KCNIP1: variants seen among roughly 807,000 people sequenced by gnomAD.
KCNIP1 encodes A-type potassium channel modulatory protein KCNIP1.
Under a neutral mutation model 33.0 loss-of-function variants are expected in KCNIP1, and 18 were observed. The observed-to-expected ratio is 0.55, with a 90% CI of 0.38 to 0.81. KCNIP1 has a LOEUF of 0.81. KCNIP1 is among the 30% of genes least tolerant of loss of function. The pLI, the probability that KCNIP1 is intolerant of heterozygous loss-of-function variation, is 0.00. For synonymous variants in KCNIP1, 93 were observed against 98.3 expected, an observed-to-expected ratio of 0.95 and a Z score of 0.32; for missense variants, 238 against 271.6, an observed-to-expected ratio of 0.88 and a Z score of 0.87.
intron 1 of KCNIP1, among the ~76,000 whole-genome samples, chr5:170,398,878 T>C (rs920932719): frequency 1.3e-5 from 2 of 152,184 alleles, no homozygotes; most frequent in Non-Finnish European, 2.9e-5. Flanking sequence ...AGAGGTCATC[T>C]AGGCTTGTTG....
At chr5:170,509,064 C>G (rs1754829739) in intron 1 of KCNIP1, among the ~76,000 whole-genome samples, 1 of 152,110 alleles carries the variant, frequency 6.6e-6, no homozygotes, top group African/African-American at 2.4e-5. Context: ...TGGCCACTCT[C>G]CATTATTTGC....
chr5:170,433,515 T>C (rs1230056999), intron 1 of KCNIP1, among the ~76,000 whole-genome samples: 1 of 152,214 alleles, frequency 6.6e-6, no homozygotes, highest in African/African-American at 2.4e-5. Flanking sequence ...AGCTTTATGG[T>C]TGAACCACTG....
chr5:170,731,154 G>A (rs766490274), intron 5 of KCNIP1, among the ~76,000 whole-genome samples: 1 of 152,246 alleles, frequency 6.6e-6, no homozygotes, highest in Middle Eastern at 3.4e-3. Flanking sequence ...AATCAGTAAG[G>A]AAACTTGACA....
At chr5:170,530,342 G>A (rs553313068) in intron 1 of KCNIP1, among the ~76,000 whole-genome samples, 8 of 152,320 alleles carry the variant, frequency 5.3e-5, no homozygotes, top group East Asian at 1.9e-4. Context: ...GAGGCTTTGC[G>A]TAACTGCTCC....
intron 1 of KCNIP1, among the ~76,000 whole-genome samples, chr5:170,669,172 G>GATGA (rs1194836291): frequency 1.5e-4 from 23 of 152,078 alleles, no homozygotes; most frequent in East Asian, 3.8e-4. Context: ...TTGAATGAAC[G>GATGA]ATGAATGAAT....
intron 1 of KCNIP1, among the ~76,000 whole-genome samples, chr5:170,420,031 A>G (rs947063206): frequency 6.6e-6 from 1 of 152,228 alleles, no homozygotes; most frequent in Non-Finnish European, 1.5e-5. Context: ...TCTCTGGCCA[A>G]CGGAAACACA....
chr5:170,714,306 G>A (rs1193531112), intron 1 of KCNIP1, among the ~76,000 whole-genome samples: 3 of 152,226 alleles, frequency 2.0e-5, no homozygotes, highest in African/African-American at 7.2e-5. Context: ...AGAATCCACT[G>A]TGGGGACATG....
At chr5:170,608,255 T>C (rs924145786) in intron 1 of KCNIP1, among the ~76,000 whole-genome samples, 5 of 152,122 alleles carry the variant, frequency 3.3e-5, no homozygotes, top group African/African-American at 7.2e-5. Flanking sequence ...GAGCTGCTGA[T>C]AGAAGAGCAG....
At chr5:170,487,314 T>G (rs1311267759) in intron 1 of KCNIP1, among the ~76,000 whole-genome samples, 2 of 152,210 alleles carry the variant, frequency 1.3e-5, no homozygotes, top group Non-Finnish European at 2.9e-5. Context: ...GCTTTAAATG[T>G]TAATTTCTTT....
At chr5:170,623,494 G>C (rs1169803081) in intron 1 of KCNIP1, among the ~76,000 whole-genome samples, 1 of 152,030 alleles carries the variant, frequency 6.6e-6, no homozygotes, top group African/African-American at 2.4e-5. Context: ...TTACAGGCGT[G>C]AGCCACCACG....
intron 1 of KCNIP1, among the ~76,000 whole-genome samples, chr5:170,440,954 C>A (rs1755974304): frequency 6.6e-6 from 1 of 152,160 alleles, no homozygotes; most frequent in African/African-American, 2.4e-5. Flanking sequence ...TGCCCTGGTT[C>A]CCATTGCCGT....
chr5:170,528,687 G>A (rs1204108374), intron 1 of KCNIP1, among the ~76,000 whole-genome samples: 2 of 152,190 alleles, frequency 1.3e-5, no homozygotes, highest in Non-Finnish European at 2.9e-5. Context: ...TCATAGACAG[G>A]AAATCTGTGG....
chr5:170,441,951 C>CAAAAA (rs34610945), intron 1 of KCNIP1, among the ~76,000 whole-genome samples: 46 of 72,186 alleles, frequency 6.4e-4, no homozygotes, highest in East Asian at 2.1e-3. Flanking sequence ...GACTCCATCT[C>CAAAAA]AAAAAAAAAA....
intron 1 of KCNIP1, among the ~76,000 whole-genome samples, chr5:170,386,273 T>C (rs1764469241): frequency 6.6e-6 from 1 of 152,128 alleles, no homozygotes; most frequent in African/African-American, 2.4e-5. Flanking sequence ...TAAGGTGATA[T>C]GACCAGGGAG....
At chr5:170,627,717 C>A (rs1759885542) in intron 1 of KCNIP1, among the ~76,000 whole-genome samples, 1 of 152,210 alleles carries the variant, frequency 6.6e-6, no homozygotes, top group Non-Finnish European at 1.5e-5. Context: ...CCCTGGGTGA[C>A]AAATAAAAAG....
intron 1 of KCNIP1, among the ~76,000 whole-genome samples, chr5:170,708,575 C>T (rs1763338914): frequency 6.6e-6 from 1 of 152,164 alleles, no homozygotes; most frequent in Non-Finnish European, 1.5e-5. Flanking sequence ...GATTTAATTA[C>T]CATGAGGTTG....
At chr5:170,493,726 T>G (rs1757254532) in intron 1 of KCNIP1, among the ~76,000 whole-genome samples, 1 of 152,188 alleles carries the variant, frequency 6.6e-6, no homozygotes, top group Non-Finnish European at 1.5e-5. Flanking sequence ...GATTCATCTT[T>G]CAGGACCCTG....
At chr5:170,498,663 C>A (rs911054333) in intron 1 of KCNIP1, among the ~76,000 whole-genome samples, 2 of 152,176 alleles carry the variant, frequency 1.3e-5, no homozygotes, top group African/African-American at 4.8e-5. Flanking sequence ...TAGCGCCTGG[C>A]AGGTAGATGG....
intron 1 of KCNIP1, chr5:170,483,285 A>C: frequency 3.6e-6 from 1 of 274,768 alleles, no homozygotes; most frequent in Non-Finnish European, 7.1e-6. Context: ...GATGAAAGCC[A>C]ACATTCCCTC....
Sources: allele counts gnomAD v4.1 joint callset (sites outside exome capture counted in the v4.1 genomes callset), GRCh38; gene constraint gnomAD v4.1.1; transcripts MANE v1.5; gene names NCBI Gene and HGNC (gene_info 2026-07-23, HGNC 2026-07-21).